Variants in CNTN5 observed in about 807,000 individuals in gnomAD.
CNTN5 encodes the protein contactin-5.
CNTN5 carries 77 observed loss-of-function variants against 129.1 expected under a neutral mutation model. The ratio of observed to expected loss-of-function variants is 0.60; its 90% CI spans 0.50 to 0.72. The LOEUF is 0.72. Among genes scored for constraint, CNTN5 ranks in the 30% least tolerant of loss-of-function variants. The pLI is 0.00. For missense variants in CNTN5, 1,478 were observed against 1,328.8 expected (o/e 1.11, Z -1.75); for synonymous variants, 509 against 465.6 (o/e 1.09, Z -1.20).
chr11:99,407,244 G>A (rs1344711034), intron 2 of CNTN5, among the ~76,000 whole-genome samples: 2 of 152,120 alleles, frequency 1.3e-5, no homozygotes, highest in African/African-American at 2.4e-5. Flanking sequence ...GTTATTCAGG[G>A]CCCAAGGGCT....
At chr11:99,246,897 C>T (rs1021079918) in intron 1 of CNTN5, among the ~76,000 whole-genome samples, 2 of 151,986 alleles carry the variant, frequency 1.3e-5, no homozygotes, top group African/African-American at 2.4e-5. Flanking sequence ...AAAATTAGAG[C>T]CAAAGGATTA....
chr11:99,656,482 C>T (rs780865325), intron 3 of CNTN5, among the ~76,000 whole-genome samples: 83 of 152,112 alleles, frequency 5.5e-4, no homozygotes, highest in Non-Finnish European at 1.0e-3. Flanking sequence ...AAATGCCTGC[C>T]CTTTAAGGCA....
chr11:99,844,569 G>A, intron 4 of CNTN5: 1 of 392,718 alleles, frequency 2.5e-6, no homozygotes, highest in African/African-American at 2.2e-5. Context: ...GTCTGATTTT[G>A]AAAAATGAAA....
chr11:99,552,519 G>A (rs1422448833), intron 2 of CNTN5, among the ~76,000 whole-genome samples: 2 of 152,056 alleles, frequency 1.3e-5, no homozygotes, highest in East Asian at 3.9e-4. Flanking sequence ...ACAGGAGGGG[G>A]CTTGCTATTT....
intron 1 of CNTN5, among the ~76,000 whole-genome samples, chr11:99,089,657 CATGTTATCATTAGAAATACATT>C (rs1866157499): frequency 6.6e-6 from 1 of 152,094 alleles, no homozygotes; most frequent in Non-Finnish European, 1.5e-5. Context: ...CTTGTGTTAC[CATGTTATCATTAGAAATACATT>C]GGTAATTTTA....
At chr11:99,768,907 T>C (rs543874401) in intron 3 of CNTN5, among the ~76,000 whole-genome samples, 2 of 152,308 alleles carry the variant, frequency 1.3e-5, no homozygotes, top group African/African-American at 4.8e-5. Context: ...ATTTAACATC[T>C]ATTGATGATC....
chr11:99,091,960 A>G (rs1331983808), intron 1 of CNTN5, among the ~76,000 whole-genome samples: 1 of 152,194 alleles, frequency 6.6e-6, no homozygotes, highest in African/African-American at 2.4e-5. Flanking sequence ...TCCAAATTAC[A>G]GCATTTTTAT....
intron 7 of CNTN5, among the ~76,000 whole-genome samples, chr11:99,935,007 G>C (rs1016587444): frequency 5.4e-5 from 8 of 146,834 alleles, no homozygotes; most frequent in Admixed American, 4.8e-4. Context: ...TGTTTATAGT[G>C]AAAAAGTACT....
intron 3 of CNTN5, among the ~76,000 whole-genome samples, chr11:99,758,522 A>T (rs918921003): frequency 2.0e-5 from 3 of 152,012 alleles, no homozygotes; most frequent in African/African-American, 7.2e-5. Flanking sequence ...GATTGAAATG[A>T]TTTGTTCTTC....
chr11:100,341,154 C>A lies in CNTN5; in HGVS notation c.2979C>A (p.Gly993=), dbSNP rs759423674. The change falls in exon 23 of 25, where the codon GGC becomes GGA. Residue 993 remains glycine (G), a synonymous_variant. Coordinates refer to ENST00000524871, the MANE Select transcript of CNTN5 (RefSeq NM_014361.4). ...AGCAAGGCTCTCAGGTTTCTCTGGGCTGGGAACCCGTCATACCATTAGCCA... is the reference window on the plus strand; with the variant it reads ...AGCAAGGCTCTCAGGTTTCTCTGGGATGGGAACCCGTCATACCATTAGCCA... ...WEQQGSQVSL[G]WEPVIPLANE... is the part of the protein sequence containing the mutation. 4.3e-6 allele frequency: 7 copies of A among 1,613,856 alleles called. No homozygotes were observed. The South Asian group carries it at 7.7e-5, about 18-fold the overall frequency.
chr11:99,991,480 A>G (rs1212985704), intron 8 of CNTN5, among the ~76,000 whole-genome samples: 1 of 152,066 alleles, frequency 6.6e-6, no homozygotes, highest in Non-Finnish European at 1.5e-5. Flanking sequence ...ACAAACAAAC[A>G]AACAAACAAA....
At chr11:99,159,142 G>T (rs1013018300) in intron 1 of CNTN5, among the ~76,000 whole-genome samples, 3 of 152,162 alleles carry the variant, frequency 2.0e-5, no homozygotes, top group Non-Finnish European at 2.9e-5. Context: ...GATAATGCTT[G>T]TAAGATTCTC....
At chr11:99,805,739 C>T (rs1298377951) in intron 3 of CNTN5, among the ~76,000 whole-genome samples, 3 of 152,178 alleles carry the variant, frequency 2.0e-5, no homozygotes, top group Non-Finnish European at 2.9e-5. Flanking sequence ...ATGAAGGTCA[C>T]ATTTGCAATT....
At chr11:100,122,558 GA>G (rs1366751905) in intron 13 of CNTN5, among the ~76,000 whole-genome samples, 2 of 152,056 alleles carry the variant, frequency 1.3e-5, no homozygotes, top group African/African-American at 4.8e-5. Flanking sequence ...CCAATCTGGA[GA>G]GGTCAGATTT....
At chr11:99,024,580 C>G (rs976242536) in intron 1 of CNTN5, among the ~76,000 whole-genome samples, 11 of 151,936 alleles carry the variant, frequency 7.2e-5, no homozygotes, top group South Asian at 6.2e-4. Context: ...CTATTAATCC[C>G]CATAAATTAA....
At chr11:99,699,631 A>G (rs1273189404) in intron 3 of CNTN5, among the ~76,000 whole-genome samples, 3 of 151,536 alleles carry the variant, frequency 2.0e-5, no homozygotes, top group Admixed American at 6.6e-5. Flanking sequence ...TAAATCATCT[A>G]TTGTTAAAAT....
chr11:99,722,328 G>T (rs1213218193), intron 3 of CNTN5, among the ~76,000 whole-genome samples: 1 of 152,062 alleles, frequency 6.6e-6, no homozygotes, highest in Non-Finnish European at 1.5e-5. Flanking sequence ...CATGTCTTTT[G>T]CAGGAATGGG....
chr11:99,855,595 A>C (rs1442068232), intron 6 of CNTN5, among the ~76,000 whole-genome samples: 1 of 152,178 alleles, frequency 6.6e-6, no homozygotes, highest in Non-Finnish European at 1.5e-5. Context: ...GAAAGAAGAG[A>C]GTCCATCTAG....
At chr11:99,775,329 A>C (rs768474182) in intron 3 of CNTN5, among the ~76,000 whole-genome samples, 3 of 145,830 alleles carry the variant, frequency 2.1e-5, no homozygotes, top group Non-Finnish European at 3.0e-5. Context: ...AAAATGATAT[A>C]AAACCTCTGA....
Sources: gnomAD v4.1 joint callset for allele counts (sites outside exome capture counted in the v4.1 genomes callset) on GRCh38, gnomAD v4.1.1 for gene constraint, MANE v1.5 for transcripts, NCBI Gene and HGNC (gene_info 2026-07-23, HGNC 2026-07-21) for gene names.